The following MIB1 variants were observed in gnomAD, a reference collection of about 807,000 sequenced individuals.
MIB1 encodes MIB E3 ubiquitin protein ligase 1.
Under a neutral mutation model 124.5 loss-of-function variants are expected in MIB1, and 278 were observed. The observed-to-expected ratio is 2.23, with a 90% CI of 2.02 to 2.47. The LOEUF (loss-of-function observed/expected upper bound fraction) is 2.47. Ranked by LOEUF, MIB1 falls within the 30% of genes most tolerant of loss-of-function variation. MIB1 has a pLI of 0.00. For missense variants in MIB1, 957 were observed against 1,254.4 expected (o/e 0.76, Z 3.58); for synonymous variants, 446 against 429.4 (o/e 1.04, Z -0.48).
intron 12 of MIB1, among the ~76,000 whole-genome samples, chr18:21,836,645 A>T (rs2042035788): frequency 6.6e-6 from 1 of 152,234 alleles, no homozygotes; most frequent in Admixed American, 6.5e-5. Flanking sequence ...TTATATCACA[A>T]TTTTTGTTTA....
In MIB1 at chr18:21,857,157, T is replaced by C; in HGVS notation, c.2693T>C (p.Val898Ala). ...TGTGCTAACCTGATGAAAAAGTGTGTGCAGTGTCGAGCAGTAGTTGAACGA... is the reference window on the plus strand; with the variant it reads ...TGTGCTAACCTGATGAAAAAGTGTGCGCAGTGTCGAGCAGTAGTTGAACGA... ...ENCANLMKKC[V>A]QCRAVVERRV... The change falls in exon 19 of 21, where the codon GTG becomes GCG. Residue 898 changes from valine (V) to alanine (A), a missense_variant. By Grantham distance (64) the Val-to-Ala change is moderately conservative (BLOSUM62 0). Transcript: ENST00000261537. The C allele has an allele frequency of 6.2e-7, 1 of 1,614,184 alleles. No individual in the cohort carries two copies. The highest frequency in any genetic ancestry group is 8.5e-7 in the Non-Finnish European group (1 of 1,179,988).
chr18:21,850,384 T>C (rs913631605), intron 17 of MIB1, among the ~76,000 whole-genome samples: 2 of 152,108 alleles, frequency 1.3e-5, no homozygotes, highest in Non-Finnish European at 2.9e-5. Context: ...AATCTTTATT[T>C]CTGTCTTGCT....
In MIB1 at chr18:21,843,322, G is replaced by A. The variant is rs571216977; in HGVS notation, c.2049+105G>A. 170 of 673,276 alleles carry A rather than the reference G, an allele frequency of 2.5e-4. 2 individuals carry two copies. The South Asian group carries it at 3.9e-3, about 16-fold the overall frequency. The allele number at this position is 673,276 out of a possible 1,614,324, so 41.7% of individuals were successfully genotyped here. A position where few individuals can be genotyped will look rare whatever the true frequency, so the allele number is the denominator to read the frequency against. On this transcript the variant is annotated intron_variant, in intron 14 of 20. Transcript: ENST00000261537. Reference sequence around the variant, plus strand: ...ATACAGTGTTACATGTCTCAAGCTGGCATAGTTAGATATAAGTAAATCTAA... The same window carrying A: ...ATACAGTGTTACATGTCTCAAGCTGACATAGTTAGATATAAGTAAATCTAA...
intron 6 of MIB1, among the ~76,000 whole-genome samples, chr18:21,786,382 C>A (rs1359258678): frequency 6.6e-6 from 1 of 152,248 alleles, no homozygotes; most frequent in East Asian, 1.9e-4. Flanking sequence ...CAGGCGTGAG[C>A]CGCTGCGCCC....
chr18:21,830,963 A>G (rs2041973738), intron 12 of MIB1, among the ~76,000 whole-genome samples: 1 of 152,144 alleles, frequency 6.6e-6, no homozygotes, highest in African/African-American at 2.4e-5. Context: ...GTCATATAAC[A>G]GTCTTGCACA....
In MIB1 at chr18:21,772,741, A is replaced by G. The variant is rs909129131; in HGVS notation, c.532-883A>G. Among the ~76,000 whole-genome samples the G allele has an allele frequency of 2.0e-5, 3 of 151,932 alleles. No individual in the cohort carries two copies. The South Asian group carries it at 6.3e-4, about 32-fold the overall frequency. ...GACTAGTTGGGTGTGGGGCTTGGAGATGTTGTCTGGGTTTCCATGGTAGGC... is the reference window on the plus strand; with the variant it reads ...GACTAGTTGGGTGTGGGGCTTGGAGGTGTTGTCTGGGTTTCCATGGTAGGC... On this transcript the variant is annotated intron_variant, in intron 3 of 20. Coordinates refer to ENST00000261537, the MANE Select transcript of MIB1 (RefSeq NM_020774.4).
intron 18 of MIB1, 112 bp from the exon 19 acceptor site, chr18:21,857,017 CT>C: frequency 1.4e-6 from 1 of 721,206 alleles, no homozygotes; most frequent in Non-Finnish European, 2.5e-6. Flanking sequence ...ATTGCTATAA[CT>C]TGTATAACAT....
At chr18:21,771,383 A>G (rs1893384) in intron 3 of MIB1, among the ~76,000 whole-genome samples, 2 of 152,056 alleles carry the variant, frequency 1.3e-5, no homozygotes, top group African/African-American at 4.8e-5. Context: ...ATGCTTTTTT[A>G]CTCATCCTAT....
chr18:21,768,583 A>AT (rs1233501577), intron 2 of MIB1, 40 bp from the exon 3 acceptor site: 5 of 1,386,850 alleles, frequency 3.6e-6, no homozygotes, highest in Non-Finnish European at 4.9e-6. Context: ...ATTGTTACCT[A>AT]TTTTTATATA....
chr18:21,759,923 A>C (rs559232780), intron 1 of MIB1, among the ~76,000 whole-genome samples: 3 of 152,176 alleles, frequency 2.0e-5, no homozygotes, highest in East Asian at 1.9e-4. Flanking sequence ...TACTATTTTC[A>C]TAAAATTTTC....
chr18:21,756,463 T>A (rs1000949201), intron 1 of MIB1, among the ~76,000 whole-genome samples: 7 of 152,112 alleles, frequency 4.6e-5, no homozygotes, highest in Non-Finnish European at 1.0e-4. Context: ...TGTATAAAAT[T>A]CTTTTTTTTA....
chr18:21,766,765 G>A (rs1023759525), intron 2 of MIB1, among the ~76,000 whole-genome samples: 5 of 151,968 alleles, frequency 3.3e-5, no homozygotes, highest in African/African-American at 9.7e-5. Flanking sequence ...AAGGCTGGGC[G>A]GGTGGCTCAT....
In MIB1 at chr18:21,858,619, G is replaced by A. The variant is rs1301554943; in HGVS notation, c.2853G>A (p.Gln951=). 1 of 1,594,874 alleles carries A rather than the reference G, an allele frequency of 6.3e-7. No homozygotes were observed. The stretch of plus-strand genomic sequence containing the variant: ...TCAATGCAGATGTGCAAAAGTTGCA[G>A]CAACAGTTACAAGACATTAAAGAGC... The part of the protein sequence containing the change: ...TNVNADVQKL[Q]QQLQDIKEQT... The change falls in exon 20 of 21, where the codon CAG becomes CAA. Residue 951 remains glutamine, a synonymous_variant. Coordinates refer to ENST00000261537, the MANE Select transcript of MIB1 (RefSeq NM_020774.4).
At chr18:21,855,078 T>C (rs954898876) in intron 18 of MIB1, 1 of 152,266 alleles carries the variant, frequency 6.6e-6, no homozygotes, top group Non-Finnish European at 1.5e-5. Context: ...CAACTTTTAT[T>C]GAGCTCTTAA....
At chr18:21,740,148 T>C (rs2040828378), upstream of MIB1, among the ~76,000 whole-genome samples, 1 of 152,210 alleles carries the variant, frequency 6.6e-6, no homozygotes, top group Non-Finnish European at 1.5e-5. Context: ...TTTTAAACCC[T>C]ATGCAGCATA....
Position 21,765,937 on chromosome 18 carries a change from G to C in MIB1, c.395G>C (p.Ser132Thr). The C allele has an allele frequency of 2.5e-6, 4 of 1,614,086 alleles. No homozygotes were observed. Among genetic ancestry groups the C allele is most frequent in the Non-Finnish European group, 3.4e-6 (4 of 1,179,922 alleles). Residue 132 changes from serine (S) to threonine (T), a missense_variant, in exon 2 of 21, where the codon AGT becomes ACT. By Grantham distance (58) the Ser-to-Thr change is moderately conservative (BLOSUM62 1). Transcript: ENST00000261537. ...HRFYRITTPGSERVLLESRRK... is the reference protein window; with the variant it reads ...HRFYRITTPGTERVLLESRRK... ...TTTTACCGAATTACTACACCGGGAA[G>C]TGAGAGGTAGGGAGAACCCTTTTCT...
intron 1 of MIB1, among the ~76,000 whole-genome samples, chr18:21,721,448 T>C (rs2040715678): frequency 6.6e-6 from 1 of 152,088 alleles, no homozygotes; most frequent in Non-Finnish European, 1.5e-5. Flanking sequence ...CCCAAAGTTT[T>C]GGGATTACAG....
intron 2 of MIB1, among the ~76,000 whole-genome samples, chr18:21,767,045 C>T (rs1651156167): frequency 6.6e-6 from 1 of 152,040 alleles, no homozygotes; most frequent in Non-Finnish European, 1.5e-5. Flanking sequence ...GAATCTTTAT[C>T]AAGGTTCATA....
rs550895856 is a variant in MIB1 at position 21,815,712 on chromosome 18, C to T, written c.1576C>T (p.Arg526Ter). The change falls in exon 11 of 21, where the codon CGA becomes TGA. Residue 526 changes from arginine (R) to a stop codon, truncating the protein, a stop_gained. Coordinates refer to ENST00000261537, the MANE Select transcript of MIB1 (RefSeq NM_020774.4). LOFTEE classifies it high-confidence loss of function. ...LHRGSADLNA[R>*]NKRRQTPLHI... ...TCGAGGTAGTGCTGATTTGAATGCTCGAAACAAGCGCCGACAGACACCACT... is the reference window on the plus strand; with the variant it reads ...TCGAGGTAGTGCTGATTTGAATGCTTGAAACAAGCGCCGACAGACACCACT... 81 of 1,614,066 alleles carry T rather than the reference C, an allele frequency of 5.0e-5. No homozygotes were observed. Among genetic ancestry groups the T allele is most frequent in the Middle Eastern group, 1.6e-4 (1 of 6,062 alleles).
Sources: gnomAD v4.1 joint callset for allele counts (sites outside exome capture counted in the v4.1 genomes callset) on GRCh38, gnomAD v4.1.1 for gene constraint, MANE v1.5 for transcripts, NCBI Gene and HGNC (gene_info 2026-07-23, HGNC 2026-07-21) for gene names.